Variants in TRAF3IP1 observed in about 807,000 individuals in gnomAD.
TRAF3IP1 encodes intraflagellar transport 54.
Under a neutral mutation model 89.9 loss-of-function variants are expected in TRAF3IP1, and 53 were observed. That is an observed-to-expected ratio of 0.59 (90% confidence interval 0.47 to 0.74). The LOEUF (loss-of-function observed/expected upper bound fraction) is 0.74, where lower values mean the gene tolerates loss of function less well. Ranked by LOEUF, TRAF3IP1 falls within the 30% of genes least tolerant of loss-of-function variation. The pLI, the probability that TRAF3IP1 is intolerant of heterozygous loss-of-function variation, is 0.00. For synonymous variants in TRAF3IP1, 311 were observed against 322.1 expected (o/e 0.97, Z 0.37); for missense variants, 806 against 866.1 (o/e 0.93, Z 0.87).
intron 1 of TRAF3IP1, among the ~76,000 whole-genome samples, chr2:238,323,951 A>G (rs1427073799): frequency 6.6e-6 from 1 of 152,194 alleles, no homozygotes; most frequent in African/African-American, 2.4e-5. Context: ...GAGAGAACCA[A>G]AGCAGTGAGG....
chr2:238,339,375 G>A (rs1202265055), intron 8 of TRAF3IP1, among the ~76,000 whole-genome samples: 1 of 152,244 alleles, frequency 6.6e-6, no homozygotes, highest in East Asian at 1.9e-4. Flanking sequence ...CTGCCATACA[G>A]GCATGCATGT....
At chr2:238,384,560 ATTTTTT>A (rs1168683957) in intron 15 of TRAF3IP1, among the ~76,000 whole-genome samples, 24 of 87,262 alleles carry the variant, frequency 2.8e-4, no homozygotes, top group Non-Finnish European at 3.6e-4. Context: ...TTTTTTTTGT[ATTTTTT>A]TTTTAAATAC....
chr2:238,364,482 T>C (rs1699792605), intron 15 of TRAF3IP1, among the ~76,000 whole-genome samples: 1 of 152,060 alleles, frequency 6.6e-6, no homozygotes, highest in Admixed American at 6.5e-5. Flanking sequence ...ACAGTGTTTC[T>C]TAGGCTTTCT....
chr2:238,351,616 G>A lies in TRAF3IP1; in HGVS notation c.1452-1211G>A, dbSNP rs1409571149. Among the ~76,000 whole-genome samples the A allele has an allele frequency of 1.3e-5, 2 of 152,156 alleles. No individual in the cohort carries two copies. Among genetic ancestry groups the A allele is most frequent in the African/African-American group, 4.8e-5 (2 of 41,432 alleles). On this transcript the variant is annotated intron_variant, in intron 12 of 16. Coordinates refer to ENST00000373327, the MANE Select transcript of TRAF3IP1 (RefSeq NM_015650.4). This position sits in a 1 kb window ranked among gnomAD's most constrained non-coding sequence, Gnocchi z 5.2. ...AGGGTGTGCTGGGAGCGTGAGAGACGAGGGACGGGAGCCTGGACTTCCTGG... is the reference window on the plus strand; with the variant it reads ...AGGGTGTGCTGGGAGCGTGAGAGACAAGGGACGGGAGCCTGGACTTCCTGG...
chr2:238,398,863 A>G lies in TRAF3IP1; in HGVS notation c.2020A>G (p.Asn674Asp), dbSNP rs370910741. 1.2e-6 allele frequency: 2 copies of G among 1,613,146 alleles called. No individual in the cohort carries two copies. Among genetic ancestry groups the G allele is most frequent in the African/African-American group, 2.7e-5 (2 of 74,862 alleles). Residue 674 changes from asparagine to aspartate, a missense_variant, in exon 17 of 17, where the codon AAT becomes GAT. Physicochemically the swap from Asn to Asp is conservative, Grantham distance 23 (BLOSUM62 1). Coordinates refer to ENST00000373327, the MANE Select transcript of TRAF3IP1 (RefSeq NM_015650.4). The stretch of plus-strand genomic sequence containing the variant: ...TGCTGTGAAGGCCAACATCCTCAAG[A>G]ATGAAGAAAAAATCCAGAAAATGGT... ...ICAVKANILK[N>D]EEKIQKMVYS...
At chr2:238,344,225 G>C (rs545665823) in intron 8 of TRAF3IP1, among the ~76,000 whole-genome samples, 29 of 152,226 alleles carry the variant, frequency 1.9e-4, no homozygotes, top group Non-Finnish European at 3.4e-4. Context: ...GAAATGGGGG[G>C]CGGGGGCAGT....
intron 15 of TRAF3IP1, among the ~76,000 whole-genome samples, chr2:238,383,044 C>T (rs943810797): frequency 6.6e-6 from 1 of 152,206 alleles, no homozygotes; most frequent in Admixed American, 6.5e-5. Context: ...CCTGTCTCTA[C>T]ACACTGTCCT....
chr2:238,357,987 A>G lies in TRAF3IP1; in HGVS notation c.1689+1907A>G, dbSNP rs575495639. On this transcript the variant is annotated intron_variant, in intron 15 of 16. Coordinates refer to ENST00000373327, the MANE Select transcript of TRAF3IP1 (RefSeq NM_015650.4). Reference sequence around the variant, plus strand: ...AAAAGAGTGGTCAGTGAGAACTTCAAAGTCAGGGTTGATGTATGTTACAGT... The same window carrying G: ...AAAAGAGTGGTCAGTGAGAACTTCAGAGTCAGGGTTGATGTATGTTACAGT... Among the ~76,000 whole-genome samples, 10 of 152,188 alleles carry G rather than the reference A, an allele frequency of 6.6e-5. 1 individual carries two copies. In the South Asian group the frequency reaches 1.9e-3, roughly 28 times the overall value.
rs781781474 is a variant in TRAF3IP1 at position 238,349,415 on chromosome 2, C to G, written c.1451+7C>G. 2.0e-5 allele frequency: 33 copies of G among 1,613,368 alleles called. No homozygotes were observed. The highest frequency in any genetic ancestry group is 2.5e-6 in the Non-Finnish European group (3 of 1,179,780). ...AGGCGCTACAAATGGATAGGTAAGG[C>G]TGGCTCAGCAGGGCAGTTCCAGCCA... On this transcript the variant is annotated splice_region_variant and intron_variant, in intron 12 of 16. Coordinates refer to ENST00000373327, the MANE Select transcript of TRAF3IP1 (RefSeq NM_015650.4).
intron 15 of TRAF3IP1, among the ~76,000 whole-genome samples, chr2:238,395,216 GAAGA>G (rs1701158000): frequency 2.0e-5 from 3 of 152,026 alleles, no homozygotes; most frequent in Non-Finnish European, 2.9e-5. Context: ...AAGAGAGAGA[GAAGA>G]AAGAAAGGGA....
intron 15 of TRAF3IP1, among the ~76,000 whole-genome samples, chr2:238,356,608 G>C (rs988303747): frequency 4.6e-5 from 7 of 152,052 alleles, no homozygotes; most frequent in African/African-American, 1.7e-4. Flanking sequence ...GTCTTGGGAG[G>C]GGGCAGCGGC....
intron 8 of TRAF3IP1, among the ~76,000 whole-genome samples, chr2:238,339,368 C>T (rs933050170): frequency 2.0e-5 from 3 of 152,216 alleles, no homozygotes; most frequent in African/African-American, 7.2e-5. Context: ...AGAGCCCCTG[C>T]CATACAGGCA....
At chr2:238,361,546 T>G (rs1368120714) in intron 15 of TRAF3IP1, among the ~76,000 whole-genome samples, 1 of 152,172 alleles carries the variant, frequency 6.6e-6, no homozygotes, top group African/African-American at 2.4e-5. Context: ...GATTTTCTGC[T>G]GTGTGGTAGC....
intron 7 of TRAF3IP1, among the ~76,000 whole-genome samples, chr2:238,335,178 C>G (rs1638549316): frequency 6.6e-6 from 1 of 152,192 alleles, no homozygotes; most frequent in African/African-American, 2.4e-5. Context: ...AAGTGTTAAA[C>G]TGTTATGTGC....
chr2:238,332,879 C>G lies in TRAF3IP1; in HGVS notation c.971C>G (p.Ser324Cys). Residue 324 changes from serine to cysteine, a missense_variant, in exon 6 of 17, where the codon TCC becomes TGC. By Grantham distance (112) the Ser-to-Cys change is moderately radical. Around this residue, in one of 3 missense-constraint regions of TRAF3IP1, gnomAD observed 732 missense variants for 780.5 expected, o/e 0.94. Transcript: ENST00000373327. The stretch of plus-strand genomic sequence containing the variant: ...TTATCAGATGGAACTTTTAAAGACT[C>G]CAAGGCTGAAACAGAGGTAAACTTT... Reference protein sequence around the residue: ...KKLSDGTFKDSKAETETEIST... With the variant: ...KKLSDGTFKDCKAETETEIST... 1.2e-6 allele frequency: 2 copies of G among 1,611,524 alleles called. No individual in the cohort carries two copies. The highest frequency in any genetic ancestry group is 1.7e-6 in the Non-Finnish European group (2 of 1,178,502).
In TRAF3IP1 at chr2:238,351,834, GGTGTGT is replaced by G. The variant is rs10527993; in HGVS notation, c.1452-965_1452-960del. 0.25 allele frequency among the ~76,000 whole-genome samples: 34,549 copies of G among 140,514 alleles called. 4,216 individuals carry two copies. Among genetic ancestry groups the G allele is most frequent in the Non-Finnish European group, 0.26 (16,834 of 63,648 alleles). The allele number at this position is 140,514 out of a possible 152,430, so 92.2% of individuals were successfully genotyped here. A position where few individuals can be genotyped will look rare whatever the true frequency, so the allele number is the denominator to read the frequency against. ...TGGCACTGAAGCAAGGGAGGATTTTGGTGTGTGTGTGTGTGTGTGTGTGTGTGTGTG... is the reference window on the plus strand; with the variant it reads ...TGGCACTGAAGCAAGGGAGGATTTTGGTGTGTGTGTGTGTGTGTGTGTGTG... On this transcript the variant is annotated intron_variant, in intron 12 of 16. Transcript: ENST00000373327. This position sits in a 1 kb window ranked among gnomAD's most constrained non-coding sequence, Gnocchi z 5.2.
At position 238,332,838 on chromosome 2, in the gene TRAF3IP1, G is replaced by GGAGAT; in HGVS notation, c.932_936dup (p.Ser313ArgfsTer30). ...TTTTTTAATAGTCAGCAAGCTCAGG[G>GGAGAT]GAGATGTCTAAAAAGTTATCAGATG... is the stretch of plus-strand genomic sequence containing the variant. On this transcript the variant is annotated frameshift_variant, in exon 6 of 17. Coordinates refer to ENST00000373327, the MANE Select transcript of TRAF3IP1 (RefSeq NM_015650.4). LOFTEE classifies it high-confidence loss of function. 1 of 1,612,406 alleles carries GGAGAT rather than the reference G, an allele frequency of 6.2e-7. No individual in the cohort carries two copies. Among genetic ancestry groups the GGAGAT allele is most frequent in the South Asian group, 1.1e-5 (1 of 90,834 alleles).
At chr2:238,341,551 A>ATTTTTTT (rs1559364603) in intron 8 of TRAF3IP1, among the ~76,000 whole-genome samples, 2 of 122,388 alleles carry the variant, frequency 1.6e-5, no homozygotes, top group African/African-American at 8.1e-5. Context: ...TTTTTTAAAA[A>ATTTTTTT]AAAAACACTG....
intron 7 of TRAF3IP1, among the ~76,000 whole-genome samples, chr2:238,335,254 A>G (rs189853528): frequency 4.3e-4 from 66 of 152,162 alleles, no homozygotes; most frequent in Admixed American, 2.0e-3. Context: ...TTTGTGCTTT[A>G]TCATACATTT....
Sources: allele counts gnomAD v4.1 joint callset (sites outside exome capture counted in the v4.1 genomes callset), GRCh38; gene constraint gnomAD v4.1.1; regional missense constraint gnomAD v4.1.1; non-coding constraint Gnocchi (gnomAD v3.1); transcripts MANE v1.5; gene names NCBI Gene and HGNC (gene_info 2026-07-23, HGNC 2026-07-21).